Variants in UBQLN4 observed in about 807,000 individuals in gnomAD.
UBQLN4 encodes the protein ubiquilin-4.
Under a neutral mutation model 60.4 loss-of-function variants are expected in UBQLN4, and 11 were observed. The observed-to-expected ratio is 0.18, with a 90% CI of 0.11 to 0.30. The LOEUF (loss-of-function observed/expected upper bound fraction) is 0.30, where lower values mean the gene tolerates loss of function less well. Among genes scored for constraint, UBQLN4 ranks in the 10% least tolerant of loss-of-function variants. The probability of loss-of-function intolerance (pLI) is 1.00; values close to 1 mark genes in which losing one functional copy is unlikely to be tolerated. For missense variants in UBQLN4, 417 were observed against 795.5 expected (o/e 0.52, Z 5.72); for synonymous variants, 258 against 313.1 (o/e 0.82, Z 1.86).
rs1683405112 is a variant in UBQLN4, at chr1:156,036,395, C to T, written c.*583G>A. 1 of 985,726 alleles carries T rather than the reference C, an allele frequency of 1.0e-6. No individual in the cohort carries two copies. The highest frequency in any genetic ancestry group is 4.7e-5 in the South Asian group (1 of 21,302). The allele number at this position is 985,726 out of a possible 1,614,324, so 61.1% of individuals were successfully genotyped here. On this transcript the variant is annotated 3_prime_UTR_variant, in exon 11 of 11. Coordinates refer to ENST00000368309, the MANE Select transcript of UBQLN4 (RefSeq NM_020131.5). ...TTCAGACAGGGAGAACAGGCATCTTCCTCCTTACCCTGGAATTTCCAACAG... is the reference window on the plus strand; with the variant it reads ...TTCAGACAGGGAGAACAGGCATCTTTCTCCTTACCCTGGAATTTCCAACAG...
chr1:156,037,985 C>T (rs1046509680), intron 10 of UBQLN4, among the ~76,000 whole-genome samples: 2 of 152,208 alleles, frequency 1.3e-5, no homozygotes, highest in South Asian at 2.1e-4. Flanking sequence ...TAGCTCACTG[C>T]AGCCTCTATC....
intron 5 of UBQLN4, 140 bp from the exon 6 acceptor site, chr1:156,044,363 A>T: frequency 1.3e-6 from 1 of 751,668 alleles, no homozygotes; most frequent in Non-Finnish European, 2.2e-6. Context: ...TCCTCAGTTC[A>T]GTTCTTTGCC....
intron 7 of UBQLN4, 98 bp from the exon 8 acceptor site, chr1:156,042,334 A>C: frequency 2.1e-6 from 3 of 1,460,596 alleles, no homozygotes; most frequent in Non-Finnish European, 2.7e-6. Context: ...CCACTGCAGG[A>C]AATCTGGCCA....
At chr1:156,041,369 G>T in intron 10 of UBQLN4, 116 bp downstream of exon 10, 1 of 1,148,122 alleles carries the variant, frequency 8.7e-7, no homozygotes, top group Non-Finnish European at 1.2e-6. Flanking sequence ...GCTAGCAAGT[G>T]GCAGAACAGG....
intron 10 of UBQLN4, among the ~76,000 whole-genome samples, chr1:156,039,819 C>T (rs996200369): frequency 6.6e-6 from 1 of 150,918 alleles, no homozygotes; most frequent in African/African-American, 2.4e-5. Flanking sequence ...CGCCTTTAGT[C>T]CCAGCTACTC....
intron 6 of UBQLN4, 72 bp from the exon 7 acceptor site, chr1:156,042,985 C>A: frequency 6.4e-7 from 1 of 1,554,058 alleles, no homozygotes; most frequent in Non-Finnish European, 8.7e-7. Context: ...TCACTTCAAT[C>A]TACCTTACTT....
downstream of UBQLN4, among the ~76,000 whole-genome samples, chr1:156,033,625 C>T (rs1240434863): frequency 6.6e-6 from 1 of 152,054 alleles, no homozygotes; most frequent in Non-Finnish European, 1.5e-5. Context: ...GTCAGATCAC[C>T]TGAGGTCAGA....
intron 1 of UBQLN4, 82 bp from the exon 2 acceptor site, chr1:156,051,939 T>C: frequency 1.3e-6 from 2 of 1,548,426 alleles, no homozygotes; most frequent in Non-Finnish European, 1.8e-6. Context: ...CAACACCTTC[T>C]GCACTCTCTT....
downstream of UBQLN4, among the ~76,000 whole-genome samples, chr1:156,033,586 T>C (rs906950266): frequency 6.6e-6 from 1 of 152,122 alleles, no homozygotes; most frequent in African/African-American, 2.4e-5. Context: ...CTCACGCCTG[T>C]GATCCCAGCA....
downstream of UBQLN4, among the ~76,000 whole-genome samples, chr1:156,031,577 CTTTT>C (rs58222507): frequency 5.7e-5 from 7 of 122,710 alleles, no homozygotes; most frequent in Admixed American, 1.7e-4. Context: ...GGAACTTCTT[CTTTT>C]TTTTTTTTTT....
chr1:156,033,239 G>C (rs1216585778), downstream of UBQLN4: 1 of 985,358 alleles, frequency 1.0e-6, no homozygotes, highest in Non-Finnish European at 1.2e-6. Context: ...TCACTAATGG[G>C]TGATGGTCCA....
chr1:156,040,999 A>C (rs1683547487), intron 10 of UBQLN4, among the ~76,000 whole-genome samples: 1 of 152,118 alleles, frequency 6.6e-6, no homozygotes, highest in Non-Finnish European at 1.5e-5. Context: ...AGAGTCTCAG[A>C]GATGGGGGCT....
chr1:156,040,390 AAAAG>A (rs1683530160), intron 10 of UBQLN4, among the ~76,000 whole-genome samples: 1 of 151,932 alleles, frequency 6.6e-6, no homozygotes, highest in African/African-American at 2.4e-5. Context: ...CAAAAAAAAA[AAAAG>A]AAAGCCCTTT....
intron 10 of UBQLN4, 28 bp downstream of exon 10, chr1:156,041,457 C>G (rs924661924): frequency 3.3e-6 from 5 of 1,514,600 alleles, no homozygotes; most frequent in Middle Eastern, 2.5e-4. Flanking sequence ...GTGGTGCTCC[C>G]AGCACCTGCC....
intron 6 of UBQLN4, 128 bp downstream of exon 6, chr1:156,043,870 C>G: frequency 9.7e-7 from 1 of 1,027,150 alleles, no homozygotes; most frequent in Admixed American, 2.2e-5. Flanking sequence ...GACGGCAGAG[C>G]CCCCTCTGTG....
intron 5 of UBQLN4, among the ~76,000 whole-genome samples, chr1:156,045,583 T>C (rs2102748519): frequency 6.6e-6 from 1 of 152,364 alleles, no homozygotes; most frequent in South Asian, 2.1e-4. Flanking sequence ...CCTGCAAGCA[T>C]TAAAACTGTT....
intron 4 of UBQLN4, among the ~76,000 whole-genome samples, chr1:156,049,618 T>G (rs565630418): frequency 6.6e-6 from 1 of 152,360 alleles, no homozygotes; most frequent in Non-Finnish European, 1.5e-5. Flanking sequence ...CAATAAATAT[T>G]TACTGCATGA....
Position 156,051,128 on chromosome 1 carries a change from C to T in UBQLN4, c.460G>A (p.Ala154Thr), listed in dbSNP as rs142253322. 2 of 1,613,352 alleles carry T rather than the reference C, an allele frequency of 1.2e-6. No individual in the cohort carries two copies. Among genetic ancestry groups the T allele is most frequent in the African/African-American group, 1.3e-5 (1 of 74,924 alleles). The change falls in exon 3 of 11, where the codon GCT becomes ACT. Residue 154 changes from alanine to threonine, a missense_variant. Ala to Thr is a moderately conservative substitution (Grantham distance 58). Coordinates refer to ENST00000368309, the MANE Select transcript of UBQLN4 (RefSeq NM_020131.5). ...SPGAGEGSPS[A>T]TASILSGFGG... is the part of the protein sequence containing the mutation. ...GGCTTACAGAGTATGGACGCAGTAG[C>T]ACTGGGGGATCCCTCCCCAGCCCCC... is the stretch of plus-strand genomic sequence containing the variant.
rs537423075 is a variant in UBQLN4 at position 156,045,921 on chromosome 1, C to T, written c.901-1698G>A. ...AGTGCAAAGGCACAATCTCGGCTCA[C>T]TGCAACCTCCACCTCCAGGGTTCAA... On this transcript the variant is annotated intron_variant, in intron 5 of 10. Transcript: ENST00000368309. Among the ~76,000 whole-genome samples the T allele has an allele frequency of 2.7e-4, 41 of 152,156 alleles. No individual in the cohort carries two copies. In the Middle Eastern group the frequency reaches 0.01, roughly 38 times the overall value.
Sources: gnomAD v4.1 joint callset for allele counts (sites outside exome capture counted in the v4.1 genomes callset) on GRCh38, gnomAD v4.1.1 for gene constraint, MANE v1.5 for transcripts, NCBI Gene and HGNC (gene_info 2026-07-23, HGNC 2026-07-21) for gene names.